SLC16A14: variants seen among roughly 807,000 people sequenced by gnomAD.
The protein encoded by SLC16A14 is monocarboxylate transporter 14.
Under a neutral mutation model 35.8 loss-of-function variants are expected in SLC16A14, and 14 were observed. The ratio of observed to expected loss-of-function variants is 0.39; its 90% CI spans 0.26 to 0.61. The LOEUF (loss-of-function observed/expected upper bound fraction) is 0.61, where lower values mean the gene tolerates loss of function less well. SLC16A14 is among the 20% of genes least tolerant of loss of function. SLC16A14 has a pLI of 0.51. For synonymous variants in SLC16A14, 248 were observed against 258.9 expected (o/e 0.96, Z 0.40); for missense variants, 533 against 655.0 (o/e 0.81, Z 2.03).
At position 230,049,856 on chromosome 2, in the gene SLC16A14, G is replaced by A. The variant is rs368158243; in HGVS notation, c.308C>T (p.Ala103Val). ...GGAGTTGACGAGCCCTCCAATGATC[G>A]CAGTCTGGCGGCACCCACAGGTGTT... is the stretch of plus-strand genomic sequence containing the variant. The part of the protein sequence containing the change: ...FINTCGCRQT[A>V]IIGGLVNSLG... Residue 103 changes from alanine (A) to valine (V), a missense_variant, in exon 3 of 5, where the codon GCG becomes GTG. Coordinates refer to ENST00000295190, the MANE Select transcript of SLC16A14 (RefSeq NM_152527.5). 37 of 1,614,002 alleles carry A rather than the reference G, an allele frequency of 2.3e-5. No individual in the cohort carries two copies. The highest frequency in any genetic ancestry group is 2.7e-5 in the African/African-American group (2 of 74,910).
chr2:230,049,782 T>C lies in SLC16A14; in HGVS notation c.382A>G (p.Ile128Val). 12 of 1,613,798 alleles carry C rather than the reference T, an allele frequency of 7.4e-6. No homozygotes were observed. Among genetic ancestry groups the C allele is most frequent in the Non-Finnish European group, 9.3e-6 (11 of 1,179,856 alleles). Reference sequence around the variant, plus strand: ...TTACCAGCTGCGACTCCAAAAGTAATGAAGAGATAATGCACGTTTGCAGCA... The same window carrying C: ...TTACCAGCTGCGACTCCAAAAGTAACGAAGAGATAATGCACGTTTGCAGCA... ...AYAANVHYLF[I>V]TFGVAAGLGS... Residue 128 changes from isoleucine (I) to valine (V), a missense_variant, in exon 3 of 5, where the codon ATT (isoleucine) becomes GTT (valine). By Grantham distance (29) the Ile-to-Val change is conservative. Coordinates refer to ENST00000295190, the MANE Select transcript of SLC16A14 (RefSeq NM_152527.5).
At chr2:230,055,222 G>A (rs6754280) in intron 2 of SLC16A14, among the ~76,000 whole-genome samples, 63,650 of 151,982 alleles carry the variant, frequency 0.42, 13,970 homozygotes, top group South Asian at 0.51. Flanking sequence ...AGGATCAAAT[G>A]AGATCATGTA....
At position 230,054,464 on chromosome 2, in the gene SLC16A14, G is replaced by A. The variant is rs548314803; in HGVS notation, c.260-4560C>T. 8.7e-4 allele frequency among the ~76,000 whole-genome samples: 132 copies of A among 152,208 alleles called. 2 individuals are homozygous for A. The South Asian group carries it at 0.026, about 30-fold the overall frequency. Reference sequence around the variant, plus strand: ...AGTGCTGATTTACTGAGTGTGAGATGAATACAAAATTGATGATTCCCCTAT... The same window carrying A: ...AGTGCTGATTTACTGAGTGTGAGATAAATACAAAATTGATGATTCCCCTAT... On this transcript the variant is annotated intron_variant, in intron 2 of 4. Coordinates refer to ENST00000295190, the MANE Select transcript of SLC16A14 (RefSeq NM_152527.5).
At chr2:230,039,727 C>T (rs1264886682) in intron 4 of SLC16A14, among the ~76,000 whole-genome samples, 3 of 152,176 alleles carry the variant, frequency 2.0e-5, no homozygotes, top group Non-Finnish European at 2.9e-5. Flanking sequence ...GCTAAATCCC[C>T]GCTGTCCACA....
At chr2:230,044,659 T>A (rs1170994262) in intron 4 of SLC16A14, among the ~76,000 whole-genome samples, 1 of 151,834 alleles carries the variant, frequency 6.6e-6, no homozygotes, top group African/African-American at 2.4e-5. Context: ...CAAGAAGGAA[T>A]TCAGCTCTGC....
Position 230,046,071 on chromosome 2 carries a change from ACGT to A in SLC16A14, c.1052_1054del (p.Asp351del), listed in dbSNP as rs1469955447. Reference sequence around the variant, plus strand: ...TGCTATAATTGACGTCAGAGGGAAAACGTCGTTTTGCTCCGATAAGTTATACAA... The same window carrying A: ...TGCTATAATTGACGTCAGAGGGAAAACGTTTTGCTCCGATAAGTTATACAA... On this transcript the variant is annotated inframe_deletion, in exon 4 of 5. Coordinates refer to ENST00000295190, the MANE Select transcript of SLC16A14 (RefSeq NM_152527.5). The surrounding 1 kb of genome is among the most constrained non-coding windows in gnomAD (Gnocchi z 5.0). The A allele has an allele frequency of 6.2e-7, 1 of 1,614,140 alleles. No homozygotes were observed. The highest frequency in any genetic ancestry group is 1.1e-5 in the South Asian group (1 of 91,084).
intron 3 of SLC16A14, among the ~76,000 whole-genome samples, chr2:230,047,980 GTA>G (rs1490103799): frequency 1.3e-5 from 2 of 152,136 alleles, no homozygotes; most frequent in African/African-American, 2.4e-5. Context: ...CTTTATGTGT[GTA>G]TGTGTATAGA....
chr2:230,039,626 T>C (rs906244320), intron 4 of SLC16A14, among the ~76,000 whole-genome samples: 1 of 152,196 alleles, frequency 6.6e-6, no homozygotes, highest in Non-Finnish European at 1.5e-5. Flanking sequence ...GGAATAACTG[T>C]AATCTACAAT....
At chr2:230,064,306 G>A (rs1418780151) in intron 1 of SLC16A14, among the ~76,000 whole-genome samples, 1 of 150,922 alleles carries the variant, frequency 6.6e-6, no homozygotes, top group Non-Finnish European at 1.5e-5. Context: ...GTGTGTGTGT[G>A]TGTGTGTATG....
At chr2:230,055,915 T>C (rs542727619) in intron 2 of SLC16A14, among the ~76,000 whole-genome samples, 96 of 152,306 alleles carry the variant, frequency 6.3e-4, no homozygotes, top group Middle Eastern at 3.4e-3. Context: ...CAGTTTTCCT[T>C]TACTAACTTA....
chr2:230,040,775 G>T (rs1262819258), intron 4 of SLC16A14, among the ~76,000 whole-genome samples: 1 of 151,986 alleles, frequency 6.6e-6, no homozygotes, highest in Non-Finnish European at 1.5e-5. Context: ...AATAACTCTG[G>T]ATCCTGCCAT....
intron 2 of SLC16A14, among the ~76,000 whole-genome samples, chr2:230,057,490 C>T (rs190211099): frequency 9.9e-5 from 15 of 152,104 alleles, no homozygotes; most frequent in African/African-American, 3.1e-4. Flanking sequence ...AAAATGCAGC[C>T]AGATGCAGTG....
intron 2 of SLC16A14, among the ~76,000 whole-genome samples, chr2:230,055,176 G>C (rs1442816273): frequency 1.3e-5 from 2 of 152,136 alleles, no homozygotes; most frequent in African/African-American, 4.8e-5. Flanking sequence ...TTCTTCCTCT[G>C]TAAGATACAG....
At chr2:230,052,836 T>C (rs1289517618) in intron 2 of SLC16A14, among the ~76,000 whole-genome samples, 1 of 147,720 alleles carries the variant, frequency 6.8e-6, no homozygotes, top group Non-Finnish European at 1.5e-5. Context: ...GACTTCTCCA[T>C]GGTTATAAAA....
rs1417424006 is a variant in SLC16A14, at chr2:230,068,823, A to G, written c.-283T>C. 6.6e-6 allele frequency: 1 copy of G among 152,460 alleles called. No individual in the cohort carries two copies. The highest frequency in any genetic ancestry group is 6.5e-5 in the Admixed American group (1 of 15,272). 9.4% of individuals were successfully genotyped at this position (152,460 alleles called of 1,614,324 possible). On this transcript the variant is annotated 5_prime_UTR_variant, in exon 1 of 5. Coordinates refer to ENST00000295190, the MANE Select transcript of SLC16A14 (RefSeq NM_152527.5). The surrounding 1 kb of genome is among the most constrained non-coding windows in gnomAD (Gnocchi z 5.1). ...TCGACGCCTCAGTCCAGGTGGCTTTAAAACGGGTGCGTTTGGAGGTGCCCA... is the reference window on the plus strand; with the variant it reads ...TCGACGCCTCAGTCCAGGTGGCTTTGAAACGGGTGCGTTTGGAGGTGCCCA...
At position 230,046,794 on chromosome 2, in the gene SLC16A14, G is replaced by A; in HGVS notation, c.404-72C>T. ...GGCCATATCCAGAATTCGCAGCAAA[G>A]ATCACCTGCATTTCCTTAATTAGCA... On this transcript the variant is annotated intron_variant, in intron 3 of 4. Transcript: ENST00000295190. The surrounding 1 kb of genome is among the most constrained non-coding windows in gnomAD (Gnocchi z 5.0). 1 of 1,473,156 alleles carries A rather than the reference G, an allele frequency of 6.8e-7. No individual in the cohort carries two copies. The highest frequency in any genetic ancestry group is 9.0e-7 in the Non-Finnish European group (1 of 1,106,428). 91.3% of individuals were successfully genotyped at this position (1,473,156 alleles called of 1,614,324 possible). A position where few individuals can be genotyped will look rare whatever the true frequency, so the allele number is the denominator to read the frequency against.
chr2:230,040,711 A>G (rs2077554551), intron 4 of SLC16A14, among the ~76,000 whole-genome samples: 1 of 152,140 alleles, frequency 6.6e-6, no homozygotes, highest in Non-Finnish European at 1.5e-5. Flanking sequence ...CCTAAATTTC[A>G]TGTCAAGTTA....
rs549291087 is a variant in SLC16A14, at chr2:230,036,117, A to G, written c.*1263T>C. On this transcript the variant is annotated 3_prime_UTR_variant, in exon 5 of 5. Coordinates refer to ENST00000295190, the MANE Select transcript of SLC16A14 (RefSeq NM_152527.5). Reference sequence around the variant, plus strand: ...GTAGAAATTTAAATAGTCTTAAACTATCTGTAAACAAGTAAGGCAGCCAGA... The same window carrying G: ...GTAGAAATTTAAATAGTCTTAAACTGTCTGTAAACAAGTAAGGCAGCCAGA... 1 of 152,782 alleles carries G rather than the reference A, an allele frequency of 6.5e-6. No individual in the cohort carries two copies. Among genetic ancestry groups the G allele is most frequent in the South Asian group, 2.1e-4 (1 of 4,832 alleles). 9.5% of individuals were successfully genotyped at this position (152,782 alleles called of 1,614,324 possible). A position where few individuals can be genotyped will look rare whatever the true frequency, so the allele number is the denominator to read the frequency against.
At position 230,038,863 on chromosome 2, in the gene SLC16A14, T is replaced by C. The variant is rs1446338189; in HGVS notation, c.1382-1332A>G. 1.3e-5 allele frequency among the ~76,000 whole-genome samples: 2 copies of C among 152,098 alleles called. No homozygotes were observed. The highest frequency in any genetic ancestry group is 1.3e-4 in the Admixed American group (2 of 15,266). On this transcript the variant is annotated intron_variant, in intron 4 of 4. Coordinates refer to ENST00000295190, the MANE Select transcript of SLC16A14 (RefSeq NM_152527.5). The surrounding 1 kb of genome is among the most constrained non-coding windows in gnomAD (Gnocchi z 4.4). ...CAGAGGTTGCAGTGAGCTGAGATCGTGCCACCGCACTCCAGCCTGGGCAAC... is the reference window on the plus strand; with the variant it reads ...CAGAGGTTGCAGTGAGCTGAGATCGCGCCACCGCACTCCAGCCTGGGCAAC...
Sources: gnomAD v4.1 joint callset for allele counts (sites outside exome capture counted in the v4.1 genomes callset) on GRCh38, gnomAD v4.1.1 for gene constraint, Gnocchi (gnomAD v3.1) non-coding constraint, MANE v1.5 for transcripts, NCBI Gene and HGNC (gene_info 2026-07-23, HGNC 2026-07-21) for gene names.